Variants in SARAF observed in about 807,000 individuals in gnomAD.
SARAF encodes store-operated calcium entry-associated regulatory factor.
A neutral mutation model predicts 39.7 loss-of-function variants in SARAF; 23 were observed. That is an observed-to-expected ratio of 0.58 (90% CI 0.42 to 0.82). The LOEUF (loss-of-function observed/expected upper bound fraction) is 0.82, where lower values mean the gene tolerates loss of function less well. Ranked by LOEUF, SARAF falls within the 40% of genes least tolerant of loss-of-function variation. The pLI is 0.00. For synonymous variants in SARAF, 175 were observed against 168.5 expected, an observed-to-expected ratio of 1.04 and a Z score of -0.30; for missense variants, 384 against 418.5, an observed-to-expected ratio of 0.92 and a Z score of 0.72.
chr8:30,082,641 C>G (rs950469098), intron 1 of SARAF: 2 of 467,058 alleles, frequency 4.3e-6, no homozygotes, highest in Non-Finnish European at 7.7e-6. Context: ...CCGCCCCGCC[C>G]ACTCGAGCAG....
At chr8:30,065,845 C>A (rs369577533) in intron 5 of SARAF, 143 bp downstream of exon 5, 35 of 890,104 alleles carry the variant, frequency 3.9e-5, no homozygotes, top group African/African-American at 3.9e-4. Context: ...AAAGTGGGAT[C>A]TCAGTTAACT....
chr8:30,069,764 A>C lies in SARAF; in HGVS notation c.578T>G (p.Phe193Cys). Residue 193 changes from phenylalanine to cysteine, a missense_variant, in exon 3 of 6, where the codon TTC (phenylalanine) becomes TGC (cysteine). By Grantham distance (205) the Phe-to-Cys change is radical. Transcript: ENST00000256255. ...AGGAGAATACTGCCCGTCACTCAGG[A>C]ACAGCTTATAGACTACAAACGCGAT... ...LGIAFVVYKLFLSDGQYSPPP... is the reference protein window; with the variant it reads ...LGIAFVVYKLCLSDGQYSPPP... 1 of 1,614,174 alleles carries C rather than the reference A, an allele frequency of 6.2e-7. No individual in the cohort carries two copies. Among genetic ancestry groups the C allele is most frequent in the Non-Finnish European group, 8.5e-7 (1 of 1,180,004 alleles).
chr8:30,079,185 T>C (rs557865974), intron 1 of SARAF, among the ~76,000 whole-genome samples: 2 of 145,342 alleles, frequency 1.4e-5, no homozygotes, highest in East Asian at 2.0e-4. Flanking sequence ...AAAAAGATTA[T>C]AATCAAAATA....
chr8:30,078,968 A>C (rs185761031), intron 1 of SARAF, among the ~76,000 whole-genome samples: 3 of 152,058 alleles, frequency 2.0e-5, no homozygotes, highest in Non-Finnish European at 4.4e-5. Context: ...ATCAGCCTGG[A>C]CAACATGGTG....
intron 1 of SARAF, among the ~76,000 whole-genome samples, chr8:30,077,398 G>A (rs1171313463): frequency 2.0e-5 from 3 of 152,178 alleles, no homozygotes; most frequent in Non-Finnish European, 1.5e-5. Flanking sequence ...GGTCGAGGCT[G>A]CAGTGAGCCA....
At chr8:30,074,895 A>G (rs1028288181) in intron 1 of SARAF, among the ~76,000 whole-genome samples, 163 of 152,344 alleles carry the variant, frequency 1.1e-3, no homozygotes, top group Middle Eastern at 3.4e-3. Flanking sequence ...AATTTTAAAA[A>G]TCAAAACTAT....
chr8:30,070,087 T>C (rs201444972), intron 2 of SARAF, 28 bp from the exon 3 acceptor site: 2 of 1,495,106 alleles, frequency 1.3e-6, no homozygotes, highest in African/African-American at 2.8e-5. Flanking sequence ...AACAGACTAT[T>C]AGAAACAAAC....
chr8:30,067,072 TG>T, intron 3 of SARAF, 154 bp from the exon 4 acceptor site: 4 of 763,530 alleles, frequency 5.2e-6, no homozygotes, highest in Non-Finnish European at 8.3e-6. Context: ...AAAAGGTATT[TG>T]TAAAATACTG....
rs191897066 is a variant in SARAF at position 30,080,973 on chromosome 8, C to T, written c.103+1874G>A. On this transcript the variant is annotated intron_variant, in intron 1 of 5. Transcript: ENST00000256255. ...TGACCAACATGGAGAAACCCTGTCT[C>T]TACTAAAAATACAAAATTTGCCGGG... Among the ~76,000 whole-genome samples the T allele has an allele frequency of 7.2e-4, 109 of 152,246 alleles. 2 individuals carry two copies. In the East Asian group the frequency reaches 0.018, roughly 25 times the overall value.
chr8:30,064,559 A>ATTTTTTT (rs1240248914), intron 5 of SARAF, among the ~76,000 whole-genome samples: 2 of 50,018 alleles, frequency 4.0e-5, no homozygotes, highest in African/African-American at 9.8e-5. Flanking sequence ...ATATATATAT[A>ATTTTTTT]TATTTTTTTT....
intron 3 of SARAF, among the ~76,000 whole-genome samples, chr8:30,068,715 TTGC>T (rs1333172160): frequency 6.6e-6 from 1 of 152,180 alleles, no homozygotes; most frequent in Non-Finnish European, 1.5e-5. Flanking sequence ...TGTCTGCCTG[TTGC>T]TCAGATTTAC....
In SARAF at chr8:30,063,979, C is replaced by T. The variant is rs147152558; in HGVS notation, c.995-66G>A. 5.5e-4 allele frequency: 720 copies of T among 1,316,452 alleles called. 5 individuals are homozygous for T. In the East Asian group the frequency reaches 0.015, roughly 28 times the overall value. 81.5% of individuals were successfully genotyped at this position (1,316,452 alleles called of 1,614,324 possible). A position where few individuals can be genotyped will look rare whatever the true frequency, so the allele number is the denominator to read the frequency against. ...TGCATTAGAATTGCTTATAAAATTA[C>T]AAGTCATACATGTTTATTGTCAGCA... On this transcript the variant is annotated intron_variant, in intron 5 of 5. Transcript: ENST00000256255.
rs113069310 is a variant in SARAF at position 30,063,701 on chromosome 8, G to A, written c.*187C>T. 1.0e-3 allele frequency: 621 copies of A among 614,816 alleles called. 2 individuals carry two copies. The highest frequency in any genetic ancestry group is 1.0e-2 in the African/African-American group (540 of 54,124). The allele number at this position is 614,816 out of a possible 1,614,324, so 38.1% of individuals were successfully genotyped here. ...TGTTACACTGACATACAACACATAA[G>A]TATTTTGTCACACATCAACTTTTAG... On this transcript the variant is annotated 3_prime_UTR_variant, in exon 6 of 6. Transcript: ENST00000256255.
intron 3 of SARAF, 44 bp downstream of exon 3, chr8:30,069,598 A>T (rs1801780931): frequency 7.0e-6 from 11 of 1,568,652 alleles, no homozygotes; most frequent in Non-Finnish European, 9.5e-6. Flanking sequence ...GGATGCACTA[A>T]CCTCACACCC....
intron 1 of SARAF, among the ~76,000 whole-genome samples, chr8:30,079,069 A>C (rs577923042): frequency 1.3e-5 from 2 of 151,810 alleles, no homozygotes; most frequent in Non-Finnish European, 2.9e-5. Context: ...AGGCAGGAGA[A>C]TCACTTGAAT....
chr8:30,064,336 G>A (rs142129682), intron 5 of SARAF, among the ~76,000 whole-genome samples: 1 of 131,030 alleles, frequency 7.6e-6, no homozygotes, highest in African/African-American at 3.0e-5. Flanking sequence ...TTAAGACACT[G>A]TGCGCACACA....
In SARAF at chr8:30,063,561, T is replaced by G. The variant is rs1183935962; in HGVS notation, c.*327A>C. ...GAAATTTTCTGTACTTAGTTTCTAT[T>G]AGTACAACACCTTCATTCTTAATGC... On this transcript the variant is annotated 3_prime_UTR_variant, in exon 6 of 6. Transcript: ENST00000256255. 9.1e-6 allele frequency: 3 copies of G among 330,402 alleles called. No individual in the cohort carries two copies. The highest frequency in any genetic ancestry group is 1.7e-5 in the Non-Finnish European group (3 of 180,382). The allele number at this position is 330,402 out of a possible 1,614,324, so 20.5% of individuals were successfully genotyped here.
chr8:30,064,383 A>G (rs1015669308), intron 5 of SARAF, among the ~76,000 whole-genome samples: 2 of 151,576 alleles, frequency 1.3e-5, no homozygotes, highest in Admixed American at 1.3e-4. Context: ...CTATCTAGAA[A>G]GTCTCTCAAT....
At chr8:30,070,477 G>A (rs1462985678) in intron 2 of SARAF, among the ~76,000 whole-genome samples, 3 of 152,154 alleles carry the variant, frequency 2.0e-5, no homozygotes, top group South Asian at 2.1e-4. Flanking sequence ...GGAATGATCC[G>A]CAAAATTCAC....
Sources: allele counts gnomAD v4.1 joint callset (sites outside exome capture counted in the v4.1 genomes callset), GRCh38; gene constraint gnomAD v4.1.1; transcripts MANE v1.5; gene names NCBI Gene and HGNC (gene_info 2026-07-23, HGNC 2026-07-21).